Variants in CACNB4 observed in about 807,000 individuals in gnomAD.
CACNB4 encodes calcium voltage-gated channel auxiliary subunit beta 4, also known as voltage-dependent L-type calcium channel subunit beta-4.
CACNB4 carries 32 observed loss-of-function variants against 71.2 expected under a neutral mutation model. The ratio of observed to expected loss-of-function variants is 0.45; its 90% CI spans 0.34 to 0.60. The LOEUF (loss-of-function observed/expected upper bound fraction) is 0.60, where lower values mean the gene tolerates loss of function less well. CACNB4 is among the 20% of genes least tolerant of loss of function. The pLI, the probability that CACNB4 is intolerant of heterozygous loss-of-function variation, is 0.01. For missense variants in CACNB4, 464 were observed against 647.9 expected (o/e 0.72, Z 3.08); for synonymous variants, 231 against 236.9 (o/e 0.97, Z 0.23).
At chr2:152,053,905 T>G (rs1232704400) in intron 2 of CACNB4, among the ~76,000 whole-genome samples, 2 of 152,134 alleles carry the variant, frequency 1.3e-5, no homozygotes, top group Non-Finnish European at 1.5e-5. Context: ...ATCTATTACT[T>G]GCGATTGGCA....
rs1410383898 is a variant in CACNB4 at position 151,894,217 on chromosome 2, A to G, written c.148-10847T>C. 5.9e-5 allele frequency among the ~76,000 whole-genome samples: 9 copies of G among 152,340 alleles called. No homozygotes were observed. In the East Asian group the frequency reaches 1.2e-3, roughly 20 times the overall value. On this transcript the variant is annotated intron_variant, in intron 2 of 13. Transcript: ENST00000539935. ...ACAAAATACTAGCAAATGGAATCCA[A>G]CATATCAAATATCACGTGGGATTTA...
At chr2:152,086,118 A>G (rs1330430688) in intron 2 of CACNB4, among the ~76,000 whole-genome samples, 3 of 152,260 alleles carry the variant, frequency 2.0e-5, no homozygotes, top group African/African-American at 7.2e-5. Context: ...ACAAACAGTC[A>G]TAACAGTAAT....
intron 2 of CACNB4, among the ~76,000 whole-genome samples, chr2:151,986,450 G>A (rs780437953): frequency 9.9e-5 from 15 of 152,108 alleles, no homozygotes; most frequent in Non-Finnish European, 2.2e-4. Flanking sequence ...TTACCAAGAT[G>A]TGAAATCTCA....
intron 2 of CACNB4, among the ~76,000 whole-genome samples, chr2:151,902,876 T>C (rs1036273708): frequency 6.6e-6 from 1 of 152,218 alleles, no homozygotes. Flanking sequence ...ATTATACAGA[T>C]GTCTATACAG....
intron 2 of CACNB4, among the ~76,000 whole-genome samples, chr2:152,042,892 G>A (rs1684950444): frequency 6.6e-6 from 1 of 152,122 alleles, no homozygotes; most frequent in African/African-American, 2.4e-5. Context: ...ATGCAGTAAC[G>A]AAGCCGGCTA....
chr2:152,026,664 G>A (rs1683995982), intron 2 of CACNB4, among the ~76,000 whole-genome samples: 2 of 152,118 alleles, frequency 1.3e-5, no homozygotes, highest in Admixed American at 1.3e-4. Flanking sequence ...ACAGCCATGA[G>A]CCACTGCACT....
chr2:151,970,508 C>T (rs376752193), intron 2 of CACNB4: 5 of 152,126 alleles, frequency 3.3e-5, no homozygotes, highest in Admixed American at 6.5e-5. Flanking sequence ...ATGAAATACA[C>T]GTACACACTA....
At chr2:151,953,369 C>A (rs1249716134) in intron 2 of CACNB4, among the ~76,000 whole-genome samples, 1 of 152,192 alleles carries the variant, frequency 6.6e-6, no homozygotes, top group Non-Finnish European at 1.5e-5. Context: ...CCTCATTCAG[C>A]CTGCCATGCT....
At chr2:151,875,770 C>T (rs1453320704) in intron 5 of CACNB4, among the ~76,000 whole-genome samples, 3 of 114,388 alleles carry the variant, frequency 2.6e-5, no homozygotes, top group Admixed American at 7.8e-5. Flanking sequence ...CCTCACCTCC[C>T]GGACGGGGCG....
intron 2 of CACNB4, among the ~76,000 whole-genome samples, chr2:151,965,181 T>C (rs1430788239): frequency 6.6e-6 from 1 of 152,198 alleles, no homozygotes; most frequent in Non-Finnish European, 1.5e-5. Flanking sequence ...AACTAATCTG[T>C]TTATGCACTA....
At chr2:151,861,999 T>C (rs2099841863) in intron 9 of CACNB4, among the ~76,000 whole-genome samples, 1 of 152,166 alleles carries the variant, frequency 6.6e-6, no homozygotes, top group Non-Finnish European at 1.5e-5. Context: ...TATCTACCAG[T>C]AGAATTCAAA....
Position 152,022,724 on chromosome 2 carries a change from A to G in CACNB4, c.147+75606T>C, listed in dbSNP as rs185564957. Among the ~76,000 whole-genome samples, 78 of 152,332 alleles carry G rather than the reference A, an allele frequency of 5.1e-4. No individual in the cohort carries two copies. In the East Asian group the frequency reaches 0.013, roughly 25 times the overall value. On this transcript the variant is annotated intron_variant, in intron 2 of 13. Transcript: ENST00000539935. The stretch of plus-strand genomic sequence containing the variant: ...TGGTATGATTTTTCCTTAATGAAAT[A>G]ACATAAAGCAAAGAATCATAGAAAG...
intron 2 of CACNB4, among the ~76,000 whole-genome samples, chr2:151,953,986 T>C (rs1472002093): frequency 6.6e-6 from 1 of 152,216 alleles, no homozygotes; most frequent in African/African-American, 2.4e-5. Flanking sequence ...TGAACAAATA[T>C]GTCAACATAT....
In CACNB4 at chr2:151,837,135, CTT is replaced by C. The variant is rs1578401023; in HGVS notation, c.*1982_*1983del. The C allele has an allele frequency of 6.6e-6, 1 of 151,940 alleles. No homozygotes were observed. The highest frequency in any genetic ancestry group is 2.4e-5 in the African/African-American group (1 of 41,416). The allele number at this position is 151,940 out of a possible 1,614,324, so 9.4% of individuals were successfully genotyped here. On this transcript the variant is annotated 3_prime_UTR_variant, in exon 14 of 14. Coordinates refer to ENST00000539935, the MANE Select transcript of CACNB4 (RefSeq NM_000726.5). ...ATTAAAGTGCCTAATGGATATAACT[CTT>C]TTAAAATGTCTTAACTGAAAGTTTT...
At chr2:151,935,867 T>C (rs1268534594) in intron 2 of CACNB4, among the ~76,000 whole-genome samples, 2 of 152,214 alleles carry the variant, frequency 1.3e-5, no homozygotes, top group African/African-American at 4.8e-5. Flanking sequence ...TCAAGGAATA[T>C]AAAATGCCTA....
intron 2 of CACNB4, among the ~76,000 whole-genome samples, chr2:151,929,234 C>CA (rs397728952): frequency 1.7e-3 from 240 of 142,382 alleles, no homozygotes; most frequent in East Asian, 5.2e-3. Flanking sequence ...CTGTAACTTC[C>CA]AAAAAAAAAA....
At chr2:151,841,794 T>C (rs1213157071) in intron 13 of CACNB4, 109 bp downstream of exon 13, 1 of 897,230 alleles carries the variant, frequency 1.1e-6, no homozygotes, top group Non-Finnish European at 1.8e-6. Flanking sequence ...AATGTGCACA[T>C]AGTGTTCCCT....
At chr2:151,892,861 C>T (rs2099851069) in intron 2 of CACNB4, among the ~76,000 whole-genome samples, 1 of 152,214 alleles carries the variant, frequency 6.6e-6, no homozygotes, top group Non-Finnish European at 1.5e-5. Context: ...AAAGGGTGTA[C>T]ACTCTTCCTG....
chr2:151,913,537 G>A (rs2099856734), intron 2 of CACNB4, among the ~76,000 whole-genome samples: 1 of 152,074 alleles, frequency 6.6e-6, no homozygotes, highest in African/African-American at 2.4e-5. Flanking sequence ...AGGCAGAGGA[G>A]GGTGGATCAT....
Sources: allele counts gnomAD v4.1 joint callset (sites outside exome capture counted in the v4.1 genomes callset), GRCh38; gene constraint gnomAD v4.1.1; transcripts MANE v1.5; gene names NCBI Gene and HGNC (gene_info 2026-07-23, HGNC 2026-07-21).